Variants in MYL3 observed in about 807,000 individuals in gnomAD.
MYL3 encodes myosin light chain 3, also known as CMLC1.
A neutral mutation model predicts 21.3 loss-of-function variants in MYL3; 11 were observed. That is an observed-to-expected ratio of 0.52 (90% CI 0.32 to 0.85). The LOEUF is 0.85. MYL3 is among the 40% of genes least tolerant of loss of function. The pLI is 0.03. For synonymous variants in MYL3, 88 were observed against 91.6 expected, an observed-to-expected ratio of 0.96 and a Z score of 0.22; for missense variants, 206 against 253.3, an observed-to-expected ratio of 0.81 and a Z score of 1.27.
chr3:46,868,483 C>T (rs1575500262), intron 1 of MYL3, among the ~76,000 whole-genome samples: 1 of 152,218 alleles, frequency 6.6e-6, no homozygotes, highest in Admixed American at 6.5e-5. Flanking sequence ...GTGGGGGTGG[C>T]AGGGCCCAGC....
At chr3:46,873,238 A>T (rs775345374) in intron 1 of MYL3, among the ~76,000 whole-genome samples, 1 of 152,250 alleles carries the variant, frequency 6.6e-6, no homozygotes, top group Non-Finnish European at 1.5e-5. Flanking sequence ...GGGAAGGACA[A>T]GTCAGATGGC....
In MYL3 at chr3:46,860,718, G is replaced by A. The variant is rs1701982801; in HGVS notation, c.265C>T (p.Gln89Ter). 6.2e-7 allele frequency: 1 copy of A among 1,614,176 alleles called. No individual in the cohort carries two copies. Among genetic ancestry groups the A allele is most frequent in the Admixed American group, 1.7e-5 (1 of 60,026 alleles). Residue 89 changes from glutamine to a stop codon, truncating the protein, a stop_gained, in exon 3 of 7, where the codon CAG becomes TAG. Coordinates refer to ENST00000292327, the MANE Select transcript of MYL3 (RefSeq NM_000258.3). LOFTEE classifies it high-confidence loss of function. The surrounding 1 kb of genome is among the most constrained non-coding windows in gnomAD (Gnocchi z 4.6). ...VLRALGQNPTQAEVLRVLGKP... is the reference protein window; with the variant it reads ...VLRALGQNPT Reference sequence around the variant, plus strand: ...CCCAGGACACGGAGCACTTCTGCCTGTGTGGGGTTCTGGCCCAGCGCCCGC... The same window carrying A: ...CCCAGGACACGGAGCACTTCTGCCTATGTGGGGTTCTGGCCCAGCGCCCGC...
In MYL3 at chr3:46,861,028, G is replaced by T; in HGVS notation, c.130-41C>A. ...AAAGACTCAGATGCCCGGCTTAAAA[G>T]GTGGGGCCACACCTCCTCCTGGGCA... On this transcript the variant is annotated intron_variant, in intron 1 of 6. Transcript: ENST00000292327. The surrounding 1 kb of genome is among the most constrained non-coding windows in gnomAD (Gnocchi z 4.2). 1 of 1,612,844 alleles carries T rather than the reference G, an allele frequency of 6.2e-7. No homozygotes were observed. Among genetic ancestry groups the T allele is most frequent in the Non-Finnish European group, 8.5e-7 (1 of 1,179,066 alleles).
At chr3:46,880,569 G>A (rs1029841443) in intron 1 of MYL3, among the ~76,000 whole-genome samples, 31 of 152,170 alleles carry the variant, frequency 2.0e-4, no homozygotes, top group African/African-American at 6.0e-4. Flanking sequence ...GTGAAACCCC[G>A]TCTCTACCAA....
chr3:46,869,540 T>A (rs1408779026), intron 1 of MYL3, among the ~76,000 whole-genome samples: 1 of 152,188 alleles, frequency 6.6e-6, no homozygotes, highest in Non-Finnish European at 1.5e-5. Context: ...GGTGTGAACA[T>A]GTGTGACTGG....
chr3:46,858,329 G>C, intron 5 of MYL3, 55 bp downstream of exon 5: 2 of 1,614,102 alleles, frequency 1.2e-6, no homozygotes. Context: ...CCATGGCTGG[G>C]AGCCTGGGTC....
At chr3:46,858,572 AC>A in intron 4 of MYL3, 111 bp from the exon 5 acceptor site, 1 of 1,017,180 alleles carries the variant, frequency 9.8e-7, no homozygotes, top group Non-Finnish European at 1.5e-6. Context: ...TATTCCCACA[AC>A]CAGCACTGTT....
At chr3:46,865,661 T>C (rs895357279), upstream of MYL3, among the ~76,000 whole-genome samples, 3 of 152,124 alleles carry the variant, frequency 2.0e-5, no homozygotes, top group Non-Finnish European at 4.4e-5. The surrounding 1 kb of genome is among the most constrained non-coding windows in gnomAD (Gnocchi z 4.3). Context: ...GGTAAGCCAG[T>C]GACAAGAGCA....
chr3:46,873,097 G>A (rs2030001318), intron 1 of MYL3, among the ~76,000 whole-genome samples: 2 of 152,220 alleles, frequency 1.3e-5, no homozygotes, highest in Admixed American at 6.5e-5. Flanking sequence ...ATATCATGCC[G>A]TGCTAAATTT....
At chr3:46,871,626 A>G (rs1419635647) in intron 1 of MYL3, among the ~76,000 whole-genome samples, 1 of 152,104 alleles carries the variant, frequency 6.6e-6, no homozygotes, top group Admixed American at 6.5e-5. Flanking sequence ...GGGAGACCAC[A>G]GCAGGTTCAG....
chr3:46,864,161 G>A (rs1369665119), upstream of MYL3, among the ~76,000 whole-genome samples: 2 of 152,036 alleles, frequency 1.3e-5, no homozygotes, highest in East Asian at 3.9e-4. The surrounding 1 kb of genome is among the most constrained non-coding windows in gnomAD (Gnocchi z 4.7). Context: ...GGGTCTTTAT[G>A]TGTGCGTGGT....
At chr3:46,869,621 A>T (rs933337861) in intron 1 of MYL3, among the ~76,000 whole-genome samples, 3 of 152,152 alleles carry the variant, frequency 2.0e-5, no homozygotes, top group Non-Finnish European at 2.9e-5. Context: ...ATTGTGTGGG[A>T]GTGTGTCGTC....
chr3:46,871,047 C>A (rs1399349245), intron 1 of MYL3, among the ~76,000 whole-genome samples: 2 of 152,220 alleles, frequency 1.3e-5, no homozygotes, highest in African/African-American at 4.8e-5. Flanking sequence ...CTTTTGCACA[C>A]ATGTATACAC....
Position 46,874,653 on chromosome 3 carries a change from G to A in MYL3, c.-218+7421C>T, listed in dbSNP as rs1374463721. Among the ~76,000 whole-genome samples, 9 of 152,230 alleles carry A rather than the reference G, an allele frequency of 5.9e-5. No individual in the cohort carries two copies. Among genetic ancestry groups the A allele is most frequent in the Admixed American group, 5.9e-4 (9 of 15,288 alleles). On this transcript the variant is annotated intron_variant, in intron 1 of 3. Transcript: ENST00000431168. The surrounding 1 kb of genome is among the most constrained non-coding windows in gnomAD (Gnocchi z 4.1). ...GAGCTCTTAAAGGTTATAAATAGCA[G>A]CAGCGGGAGCCCATGCAGGGAGAGG...
At chr3:46,875,788 T>A (rs1403457089) in intron 1 of MYL3, among the ~76,000 whole-genome samples, 3 of 152,226 alleles carry the variant, frequency 2.0e-5, no homozygotes, top group Non-Finnish European at 2.9e-5. Flanking sequence ...AGCCTTGGCA[T>A]CCAGGCGTTC....
At chr3:46,868,981 G>T (rs1286908160) in intron 1 of MYL3, among the ~76,000 whole-genome samples, 1 of 152,150 alleles carries the variant, frequency 6.6e-6, no homozygotes, top group African/African-American at 2.4e-5. Flanking sequence ...GGGAGGAGGG[G>T]GTGCCAATGT....
rs1211717071 is a variant in MYL3, at chr3:46,858,071, A to T, written c.*44T>A. ...GTGTCAGCATCACACATGGGAGATG[A>T]GACGTCCCTGCACAGCCTTCCCTGG... On this transcript the variant is annotated 3_prime_UTR_variant, in exon 7 of 7. Coordinates refer to ENST00000292327, the MANE Select transcript of MYL3 (RefSeq NM_000258.3). 7 of 809,022 alleles carry T rather than the reference A, an allele frequency of 8.7e-6. No individual in the cohort carries two copies. The African/African-American group carries it at 1.0e-4, about 12-fold the overall frequency. The allele number at this position is 809,022 out of a possible 1,614,324, so 50.1% of individuals were successfully genotyped here. A position where few individuals can be genotyped will look rare whatever the true frequency, so the allele number is the denominator to read the frequency against.
In MYL3 at chr3:46,874,534, C is replaced by T. The variant is rs1317367958; in HGVS notation, c.-218+7540G>A. On this transcript the variant is annotated intron_variant, in intron 1 of 3. Coordinates refer to the MYL3 transcript ENST00000431168. The surrounding 1 kb of genome is among the most constrained non-coding windows in gnomAD (Gnocchi z 4.1). ...ACCACCTCCTCCTTCCTGGCCCCCT[C>T]CTCCCTTCAAACCGCAGGGCCCAGC... Among the ~76,000 whole-genome samples the T allele has an allele frequency of 6.6e-6, 1 of 152,196 alleles. No homozygotes were observed. The highest frequency in any genetic ancestry group is 1.5e-5 in the Non-Finnish European group (1 of 68,038).
intron 1 of MYL3, among the ~76,000 whole-genome samples, chr3:46,875,957 C>T (rs2030187187): frequency 6.6e-6 from 1 of 152,256 alleles, no homozygotes; most frequent in Admixed American, 6.5e-5. Flanking sequence ...AACTTCCTGT[C>T]CCCGGAGCTG....
Sources: allele counts gnomAD v4.1 joint callset (sites outside exome capture counted in the v4.1 genomes callset), GRCh38; gene constraint gnomAD v4.1.1; non-coding constraint Gnocchi (gnomAD v3.1); transcripts MANE v1.5; gene names NCBI Gene and HGNC (gene_info 2026-07-23, HGNC 2026-07-21).